ALDH1L1: variants seen among roughly 807,000 people sequenced by gnomAD.
ALDH1L1 encodes aldehyde dehydrogenase 1 family member L1.
ALDH1L1 carries 68 observed loss-of-function variants against 101.1 expected under a neutral mutation model. The ratio of observed to expected loss-of-function variants is 0.67; its 90% CI spans 0.55 to 0.82. The LOEUF (loss-of-function observed/expected upper bound fraction) is 0.82, where lower values mean the gene tolerates loss of function less well. ALDH1L1 is among the 40% of genes least tolerant of loss of function. The probability of loss-of-function intolerance (pLI) is 0.00; values close to 1 mark genes in which losing one functional copy is unlikely to be tolerated. For synonymous variants in ALDH1L1, 486 were observed against 470.8 expected, an observed-to-expected ratio of 1.03 and a Z score of -0.42; for missense variants, 1,087 against 1,172.7, an observed-to-expected ratio of 0.93 and a Z score of 1.07.
chr3:126,197,000 A>G (rs1376926504), intron 1 of ALDH1L1, among the ~76,000 whole-genome samples: 3 of 120,890 alleles, frequency 2.5e-5, no homozygotes, highest in Non-Finnish European at 5.4e-5. Context: ...TGAACCCTAA[A>G]ATTCCTATCC....
rs2080938054 is a variant in ALDH1L1 at position 126,157,489 on chromosome 3, T to C, written c.382A>G (p.Lys128Glu). 1 of 1,613,766 alleles carries C rather than the reference T, an allele frequency of 6.2e-7. No individual in the cohort carries two copies. The highest frequency in any genetic ancestry group is 1.7e-5 in the Admixed American group (1 of 59,984). ...CAGAAGATGGAAAACCCCCCTTTCT[T>C]ATCTCCGTGAATGAGGGTCCTAGGA... ...AINWTLIHGD[K>E]KGGFSIFWAD... Residue 128 changes from lysine to glutamate, a missense_variant, in exon 4 of 23, where the codon AAG becomes GAG. Around this residue, in one of 2 missense-constraint regions of ALDH1L1, gnomAD observed 645 missense variants for 637.0 expected, o/e 1.01. Transcript: ENST00000393434.
chr3:126,135,327 C>T (rs2080408829), intron 12 of ALDH1L1: 1 of 547,506 alleles, frequency 1.8e-6, no homozygotes, highest in Non-Finnish European at 3.0e-6. Flanking sequence ...GAAATGTCTC[C>T]TGTTTCTCAT....
intron 18 of ALDH1L1, 55 bp from the exon 19 acceptor site, chr3:126,112,935 C>T: frequency 5.8e-6 from 9 of 1,554,372 alleles, no homozygotes; most frequent in Non-Finnish European, 7.9e-6. Context: ...ACACCAGCCC[C>T]CGGCTCTGCC....
chr3:126,125,375 C>G (rs1023084446), intron 15 of ALDH1L1, among the ~76,000 whole-genome samples: 1 of 152,210 alleles, frequency 6.6e-6, no homozygotes, highest in Admixed American at 6.5e-5. Context: ...CTGCAAGTTC[C>G]AGCACAGCCA....
At chr3:126,184,317 C>A (rs186550855), upstream of ALDH1L1, among the ~76,000 whole-genome samples, 237 of 152,350 alleles carry the variant, frequency 1.6e-3, no homozygotes, top group East Asian at 1.7e-3. Flanking sequence ...GCTTGTGCAT[C>A]ATCTCCTTTG....
At position 126,105,809 on chromosome 3, in the gene ALDH1L1, G is replaced by A. The variant is rs939653053; in HGVS notation, c.2570C>T (p.Thr857Ile). ...LYVSDKLQAG[T>I]VFVNTYNKTD... ...CTTGTTGTACGTGTTGACAAACACA[G>A]TGCCTGCCTGGAGCTTGTCACTGAC... The change falls in exon 22 of 23, where the codon ACT (threonine) becomes ATT (isoleucine). Residue 857 changes from threonine (T) to isoleucine (I), a missense_variant. Thr to Ile is a moderately conservative substitution (Grantham distance 89). Coordinates refer to ENST00000393434, the MANE Select transcript of ALDH1L1 (RefSeq NM_012190.4). The A allele has an allele frequency of 1.9e-6, 3 of 1,614,226 alleles. No individual in the cohort carries two copies. Among genetic ancestry groups the A allele is most frequent in the Admixed American group, 1.7e-5 (1 of 60,026 alleles).
intron 16 of ALDH1L1, among the ~76,000 whole-genome samples, chr3:126,123,624 C>G (rs1298463434): frequency 1.0e-5 from 1 of 97,352 alleles, no homozygotes; most frequent in Non-Finnish European, 2.0e-5. Context: ...AATTTTCAAC[C>G]CAAAAAGCTG....
intron 17 of ALDH1L1, among the ~76,000 whole-genome samples, chr3:126,116,655 C>T (rs1028371631): frequency 2.0e-5 from 3 of 152,192 alleles, no homozygotes; most frequent in African/African-American, 7.2e-5. Context: ...CCCCTACCCA[C>T]GTCACTCAAA....
In ALDH1L1 at chr3:126,103,860, C is replaced by T; in HGVS notation, c.2654-14G>A. 6.2e-7 allele frequency: 1 copy of T among 1,612,558 alleles called. No homozygotes were observed. Among genetic ancestry groups the T allele is most frequent in the East Asian group, 2.2e-5 (1 of 44,866 alleles). On this transcript the variant is annotated splice_polypyrimidine_tract_variant and intron_variant, in intron 22 of 22. Coordinates refer to ENST00000393434, the MANE Select transcript of ALDH1L1 (RefSeq NM_012190.4). ...GAGCCGCCTCTCCTGTAAGACACCA[C>T]AAAGGTCACAGCAGCTCCCACCACA...
Position 126,136,753 on chromosome 3 carries a change from C to T in ALDH1L1, c.1344+11G>A, listed in dbSNP as rs752091355. The T allele has an allele frequency of 6.4e-7, 1 of 1,561,360 alleles. No individual in the cohort carries two copies. Among genetic ancestry groups the T allele is most frequent in the Non-Finnish European group, 8.7e-7 (1 of 1,152,030 alleles). On this transcript the variant is annotated intron_variant, in intron 11 of 22. Transcript: ENST00000393434. ...GGGAATGTGGAGAAGGGGTGCTGGG[C>T]CTGCACTCACACTTCCATCGGTGGG...
intron 9 of ALDH1L1, among the ~76,000 whole-genome samples, chr3:126,143,624 A>G (rs377691309): frequency 1.2e-4 from 19 of 152,234 alleles, no homozygotes; most frequent in African/African-American, 4.3e-4. Context: ...AAGAAGTTAA[A>G]TCATATCTCA....
In ALDH1L1 at chr3:126,146,912, C is replaced by A; in HGVS notation, c.999G>T (p.Arg333=). The change falls in exon 9 of 23, where the codon CGG becomes CGT. Residue 333 remains arginine, a synonymous_variant. Coordinates refer to ENST00000393434, the MANE Select transcript of ALDH1L1 (RefSeq NM_012190.4). ...TAEAVRSVWQ[R]ILPKVLEVED... ...CAACCTCCAGGACTTTGGGGAGGAT[C>A]CGCTGCCAAACACTCTGCAAAGCAA... 6.2e-7 allele frequency: 1 copy of A among 1,613,864 alleles called. No individual in the cohort carries two copies.
intron 9 of ALDH1L1, among the ~76,000 whole-genome samples, chr3:126,145,872 T>C (rs375774723): frequency 2.2e-4 from 33 of 152,356 alleles, no homozygotes; most frequent in South Asian, 1.9e-3. Context: ...CTTAACTATT[T>C]ACAGAAAAGC....
chr3:126,150,663 T>G (rs1397416801), intron 7 of ALDH1L1, 132 bp from the exon 8 acceptor site: 1 of 1,103,174 alleles, frequency 9.1e-7, no homozygotes, highest in Middle Eastern at 3.3e-4. Flanking sequence ...GAAGCGATTC[T>G]CCTGCCTCAG....
intron 20 of ALDH1L1, among the ~76,000 whole-genome samples, chr3:126,109,537 G>A (rs2108175738): frequency 6.6e-6 from 1 of 152,272 alleles, no homozygotes; most frequent in Non-Finnish European, 1.5e-5. Flanking sequence ...AGTCCCCCAT[G>A]AGAGGTGTTC....
chr3:126,180,390 T>TGGAGCCCCC lies in ALDH1L1; in HGVS notation c.-24+77_-24+85dup, dbSNP rs1357512982. ...GGTGAGAACCGAGTCCTGGAGCCCC[T>TGGAGCCCCC]GGAGCCCCCGGAGCCCCCGGAGCTG... On this transcript the variant is annotated intron_variant, in intron 1 of 22. Coordinates refer to ENST00000393434, the MANE Select transcript of ALDH1L1 (RefSeq NM_012190.4). The TGGAGCCCCC allele has an allele frequency of 3.4e-5, 32 of 948,546 alleles. No homozygotes were observed. The South Asian group carries it at 8.3e-4, about 25-fold the overall frequency. 58.8% of individuals were successfully genotyped at this position (948,546 alleles called of 1,614,324 possible). A position where few individuals can be genotyped will look rare whatever the true frequency, so the allele number is the denominator to read the frequency against.
chr3:126,187,071 C>T (rs1406961657), intron 1 of ALDH1L1, among the ~76,000 whole-genome samples: 1 of 152,058 alleles, frequency 6.6e-6, no homozygotes, highest in East Asian at 1.9e-4. Context: ...ATTCCTGGAG[C>T]ACACACTGCG....
chr3:126,123,549 C>T (rs752791906), intron 16 of ALDH1L1, among the ~76,000 whole-genome samples: 6 of 151,220 alleles, frequency 4.0e-5, no homozygotes, highest in Non-Finnish European at 8.8e-5. Context: ...TGAGCCACTG[C>T]GCCTGGCCAT....
chr3:126,188,176 G>A (rs1193032574), intron 1 of ALDH1L1, among the ~76,000 whole-genome samples: 4 of 152,344 alleles, frequency 2.6e-5, no homozygotes, highest in Admixed American at 2.0e-4. Flanking sequence ...CTTGGACAAC[G>A]CAGGTTGGAC....
Sources: allele counts gnomAD v4.1 joint callset (sites outside exome capture counted in the v4.1 genomes callset), GRCh38; gene constraint gnomAD v4.1.1; regional missense constraint gnomAD v4.1.1; transcripts MANE v1.5; gene names NCBI Gene and HGNC (gene_info 2026-07-23, HGNC 2026-07-21).